Variants in THSD7B observed in about 807,000 individuals in gnomAD.
THSD7B encodes the protein thrombospondin type-1 domain-containing protein 7B.
In THSD7B, 138 loss-of-function variants were observed where a neutral mutation model predicts 213.6. The observed-to-expected ratio is 0.65, with a 90% CI of 0.56 to 0.74. The LOEUF is 0.74. THSD7B is among the 30% of genes least tolerant of loss of function. The probability of loss-of-function intolerance (pLI) is 0.00; values close to 1 mark genes in which losing one functional copy is unlikely to be tolerated. For missense variants in THSD7B, 1,931 were observed against 1,991.5 expected (o/e 0.97, Z 0.58); for synonymous variants, 742 against 687.0 (o/e 1.08, Z -1.25).
chr2:137,589,466 G>A (rs1394232600), intron 17 of THSD7B, among the ~76,000 whole-genome samples: 1 of 152,036 alleles, frequency 6.6e-6, no homozygotes, highest in Non-Finnish European at 1.5e-5. Context: ...ATATAGTTGT[G>A]AAATTTTGTG....
At chr2:137,567,821 A>G (rs771872220) in intron 16 of THSD7B, among the ~76,000 whole-genome samples, 5 of 152,170 alleles carry the variant, frequency 3.3e-5, no homozygotes, top group Non-Finnish European at 7.3e-5. Flanking sequence ...TAGCTTTCCA[A>G]CTGAACTATT....
intron 2 of THSD7B, among the ~76,000 whole-genome samples, chr2:136,993,261 A>G (rs1025462327): frequency 6.6e-6 from 1 of 152,224 alleles, no homozygotes; most frequent in Non-Finnish European, 1.5e-5. Flanking sequence ...CTCCATTTAG[A>G]TATGACACTT....
intron 1 of THSD7B, among the ~76,000 whole-genome samples, chr2:136,816,088 T>G (rs2104933900): frequency 6.6e-6 from 1 of 152,286 alleles, no homozygotes. Flanking sequence ...TTTCACCATG[T>G]TGCCCAGGCT....
intron 1 of THSD7B, among the ~76,000 whole-genome samples, chr2:136,837,975 T>C (rs778187): frequency 0.85 from 129,657 of 152,216 alleles, 55,312 homozygotes; most frequent in Non-Finnish European, 0.87. Context: ...TTACTAACTT[T>C]GTGATTTTTG....
At chr2:137,043,517 C>T (rs17676048) in intron 2 of THSD7B, among the ~76,000 whole-genome samples, 2,311 of 152,232 alleles carry the variant, frequency 0.015, 32 homozygotes, top group Admixed American at 0.025. Flanking sequence ...CATTGAATTT[C>T]GATTCTTATC....
chr2:137,186,786 A>G (rs1680560762), intron 7 of THSD7B, among the ~76,000 whole-genome samples: 1 of 152,156 alleles, frequency 6.6e-6, no homozygotes, highest in Non-Finnish European at 1.5e-5. Flanking sequence ...TGTTGAATCT[A>G]TACATTGTTT....
chr2:137,542,132 G>A (rs1680622021), intron 15 of THSD7B, among the ~76,000 whole-genome samples: 1 of 151,602 alleles, frequency 6.6e-6, no homozygotes, highest in South Asian at 2.1e-4. Context: ...TAAACTCAGA[G>A]CTATTTTCAC....
At position 137,290,115 on chromosome 2, in the gene THSD7B, T is replaced by TC. The variant is rs1420752145; in HGVS notation, c.2500+14089_2500+14090insC. On this transcript the variant is annotated intron_variant, in intron 12 of 27. Coordinates refer to ENST00000409968, the MANE Select transcript of THSD7B (RefSeq NM_001316349.2). ...TTTCAGCCCCAAAGAGTTTTCTTTT[T>TC]TTTTTTTTTTTTTTTAGATGGAGTC... 6.0e-4 allele frequency among the ~76,000 whole-genome samples: 89 copies of TC among 148,782 alleles called. 1 individual carries two copies. Among genetic ancestry groups the TC allele is most frequent in the East Asian group, 1.6e-3 (8 of 5,092 alleles).
chr2:137,158,007 C>T (rs1269219745), intron 5 of THSD7B, among the ~76,000 whole-genome samples: 1 of 152,172 alleles, frequency 6.6e-6, no homozygotes, highest in Non-Finnish European at 1.5e-5. Context: ...TCCAGCTATG[C>T]AGCTTTCTAT....
intron 12 of THSD7B, among the ~76,000 whole-genome samples, chr2:137,380,598 G>T (rs903974886): frequency 6.6e-6 from 1 of 152,228 alleles, no homozygotes; most frequent in Non-Finnish European, 1.5e-5. Flanking sequence ...GGAGGAAGGG[G>T]TTATGTGTGA....
chr2:137,455,307 T>A (rs1041204107), intron 15 of THSD7B, among the ~76,000 whole-genome samples: 1 of 152,156 alleles, frequency 6.6e-6, no homozygotes, highest in Admixed American at 6.6e-5. Context: ...GATTTGTCAT[T>A]AGAATTCTCA....
chr2:136,916,978 T>C (rs1028771421), intron 2 of THSD7B, among the ~76,000 whole-genome samples: 2 of 152,180 alleles, frequency 1.3e-5, no homozygotes, highest in African/African-American at 4.8e-5. Flanking sequence ...AAAGACAGCA[T>C]TATTATGAGG....
At chr2:136,859,573 C>A (rs555546465) in intron 1 of THSD7B, among the ~76,000 whole-genome samples, 2 of 152,024 alleles carry the variant, frequency 1.3e-5, no homozygotes, top group Non-Finnish European at 2.9e-5. Context: ...CAAGGAAGAG[C>A]GAGTGGCAGT....
intron 12 of THSD7B, among the ~76,000 whole-genome samples, chr2:137,329,708 C>T (rs796806707): frequency 2.0e-5 from 3 of 152,088 alleles, no homozygotes; most frequent in African/African-American, 4.8e-5. Flanking sequence ...AAGAGAAAGC[C>T]GAGGATAAAA....
At chr2:137,552,517 A>G (rs945903195) in intron 15 of THSD7B, among the ~76,000 whole-genome samples, 6 of 152,086 alleles carry the variant, frequency 3.9e-5, no homozygotes, top group Non-Finnish European at 7.3e-5. Context: ...TCTAACTCCA[A>G]TGAGTGTGAT....
At chr2:137,211,331 T>TACAC (rs1224147467) in intron 7 of THSD7B, among the ~76,000 whole-genome samples, 10 of 6,284 alleles carry the variant, frequency 1.6e-3, no homozygotes, top group East Asian at 7.8e-3. Context: ...CTATCCTTCC[T>TACAC]ACACACACAC....
chr2:136,836,568 C>A (rs970941479), intron 1 of THSD7B, among the ~76,000 whole-genome samples: 1 of 152,196 alleles, frequency 6.6e-6, no homozygotes, highest in African/African-American at 2.4e-5. Context: ...TCTCCATCAC[C>A]TTTCTAGATC....
At position 137,432,355 on chromosome 2, in the gene THSD7B, C is replaced by T. The variant is rs1025974230; in HGVS notation, c.2960-18490C>T. ...GCAGTCAGCCGAGATCGCGCCACTG[C>T]GCTCCAGCCTGCCGACAGAGCGGAA... On this transcript the variant is annotated intron_variant, in intron 14 of 27. Transcript: ENST00000409968. Among the ~76,000 whole-genome samples, 9 of 152,302 alleles carry T rather than the reference C, an allele frequency of 5.9e-5. 1 individual carries two copies. Among genetic ancestry groups the T allele is most frequent in the Admixed American group, 1.3e-4 (2 of 15,304 alleles).
intron 7 of THSD7B, among the ~76,000 whole-genome samples, chr2:137,228,051 C>A (rs1018303093): frequency 6.6e-6 from 1 of 151,942 alleles, no homozygotes; most frequent in African/African-American, 2.4e-5. Context: ...TAAGTGATGT[C>A]CTTAAGTGAC....
Sources: allele counts gnomAD v4.1 joint callset (sites outside exome capture counted in the v4.1 genomes callset), GRCh38; gene constraint gnomAD v4.1.1; transcripts MANE v1.5; gene names NCBI Gene and HGNC (gene_info 2026-07-23, HGNC 2026-07-21).